The following TRABD2A variants were observed in gnomAD, a reference collection of about 807,000 sequenced individuals.
TRABD2A encodes metalloprotease TIKI1.
TRABD2A carries 43 observed loss-of-function variants against 45.6 expected under a neutral mutation model. The ratio of observed to expected loss-of-function variants is 0.94; its 90% CI spans 0.74 to 1.22. TRABD2A has a LOEUF of 1.22. Ranked by LOEUF, TRABD2A falls within the 50% of genes most tolerant of loss-of-function variation. TRABD2A has a pLI of 0.00. For missense variants in TRABD2A, 642 were observed against 652.4 expected, an observed-to-expected ratio of 0.98 and a Z score of 0.17; for synonymous variants, 269 against 265.0, an observed-to-expected ratio of 1.02 and a Z score of -0.15.
chr2:84,846,565 C>G (rs186544699), intron 2 of TRABD2A, among the ~76,000 whole-genome samples: 9 of 152,334 alleles, frequency 5.9e-5, no homozygotes, highest in African/African-American at 2.2e-4. Context: ...ACACCAAACA[C>G]AGTGGTCGCT....
Position 84,870,787 on chromosome 2 carries a change from TGAAAA to T in TRABD2A, c.109-7_109-3del. On this transcript the variant is annotated splice_region_variant and splice_polypyrimidine_tract_variant and intron_variant, in intron 1 of 6. Transcript: ENST00000409520. Reference sequence around the variant, plus strand: ...CAAGAAGGAATTCAGCTCGCTTTGCTGAAAAGAAAAGAGGTAACATCAAGGTATAA... The same window carrying T: ...CAAGAAGGAATTCAGCTCGCTTTGCTGAAAAGAGGTAACATCAAGGTATAA... The T allele has an allele frequency of 6.4e-7, 1 of 1,566,860 alleles. No individual in the cohort carries two copies. The highest frequency in any genetic ancestry group is 8.7e-7 in the Non-Finnish European group (1 of 1,155,156).
At chr2:84,828,434 G>A (rs1681211442) in intron 5 of TRABD2A, among the ~76,000 whole-genome samples, 2 of 152,182 alleles carry the variant, frequency 1.3e-5, no homozygotes, top group African/African-American at 4.8e-5. Context: ...CCGAGGAGGG[G>A]AAGAAGGAAA....
chr2:84,844,444 A>C (rs569553240), intron 2 of TRABD2A, among the ~76,000 whole-genome samples: 26 of 152,288 alleles, frequency 1.7e-4, no homozygotes, highest in African/African-American at 5.5e-4. Flanking sequence ...CTGTGAGTCC[A>C]TTAAACCCCT....
chr2:84,843,914 T>G (rs1176322095), intron 2 of TRABD2A: 2 of 152,278 alleles, frequency 1.3e-5, no homozygotes. Flanking sequence ...TAATATTTCC[T>G]GTGCCTGTGA....
At chr2:84,826,811 C>T (rs528627196) in intron 5 of TRABD2A, among the ~76,000 whole-genome samples, 2 of 152,218 alleles carry the variant, frequency 1.3e-5, no homozygotes, top group African/African-American at 2.4e-5. Flanking sequence ...GGATTATAGG[C>T]GTGAGCCACC....
At chr2:84,833,172 A>G (rs1425312334) in intron 4 of TRABD2A, 2 of 152,144 alleles carry the variant, frequency 1.3e-5, no homozygotes, top group Admixed American at 1.3e-4. Context: ...ATTCCCTCCC[A>G]TCCTCCCCTC....
At chr2:84,876,778 G>C (rs1354876424) in intron 1 of TRABD2A, among the ~76,000 whole-genome samples, 2 of 152,178 alleles carry the variant, frequency 1.3e-5, no homozygotes, top group Non-Finnish European at 2.9e-5. Context: ...ATCTAGAAAG[G>C]CTCTGTCCAG....
At chr2:84,825,528 A>G (rs1328368736) in intron 5 of TRABD2A, among the ~76,000 whole-genome samples, 2 of 152,208 alleles carry the variant, frequency 1.3e-5, no homozygotes, top group Non-Finnish European at 2.9e-5. Context: ...GGCTTAATAT[A>G]TTATTACTGT....
intron 1 of TRABD2A, 40 bp downstream of exon 1, chr2:84,880,892 G>A (rs757226421): frequency 2.6e-6 from 4 of 1,557,164 alleles, no homozygotes; most frequent in Non-Finnish European, 3.5e-6. Flanking sequence ...CCAAGGAGGT[G>A]CAGAGAGGCC....
intron 3 of TRABD2A, among the ~76,000 whole-genome samples, 176 bp from the exon 4 acceptor site, chr2:84,839,499 C>T (rs534533015): frequency 2.0e-5 from 3 of 151,844 alleles, no homozygotes; most frequent in Non-Finnish European, 4.4e-5. Flanking sequence ...TTCCCTGTAA[C>T]CAAAGTGAAA....
At chr2:84,839,605 TAAAA>T (rs199926813) in intron 3 of TRABD2A, among the ~76,000 whole-genome samples, 4 of 138,896 alleles carry the variant, frequency 2.9e-5, no homozygotes, top group Non-Finnish European at 4.7e-5. Flanking sequence ...CGTGTGTTTA[TAAAA>T]AAAAAAAAAG....
chr2:84,832,948 A>G (rs1681390628), intron 4 of TRABD2A: 1 of 152,196 alleles, frequency 6.6e-6, no homozygotes. Context: ...ACCTAATCTA[A>G]GATCTGTCAT....
chr2:84,866,223 A>G (rs78900417), intron 2 of TRABD2A, among the ~76,000 whole-genome samples: 3,917 of 152,336 alleles, frequency 0.026, 82 homozygotes, highest in South Asian at 0.057. Context: ...TGGAAAGACA[A>G]TATTGGCCAC....
At chr2:84,868,787 G>A (rs966352469) in intron 2 of TRABD2A, among the ~76,000 whole-genome samples, 10 of 152,082 alleles carry the variant, frequency 6.6e-5, no homozygotes, top group Non-Finnish European at 7.4e-5. Context: ...ATGAAAGAAG[G>A]CTTTGGCTCA....
chr2:84,826,059 TCC>T (rs1559083158), intron 5 of TRABD2A, among the ~76,000 whole-genome samples: 1 of 152,148 alleles, frequency 6.6e-6, no homozygotes, highest in Admixed American at 6.5e-5. Context: ...ATCAGGTAGC[TCC>T]ATGCCCATCA....
At chr2:84,832,272 A>G in intron 4 of TRABD2A, 127 bp from the exon 5 acceptor site, 2 of 888,134 alleles carry the variant, frequency 2.3e-6, no homozygotes, top group South Asian at 1.6e-5. Flanking sequence ...AGCACAGTAC[A>G]GTTCTAGAGA....
intron 6 of TRABD2A, 53 bp from the exon 7 acceptor site, chr2:84,822,153 C>A: frequency 6.9e-6 from 10 of 1,446,450 alleles, no homozygotes; most frequent in Non-Finnish European, 9.2e-6. Context: ...AACCACTGCA[C>A]ACGCCAAGGC....
intron 3 of TRABD2A, among the ~76,000 whole-genome samples, chr2:84,840,342 C>G (rs191735753): frequency 6.6e-6 from 1 of 152,274 alleles, no homozygotes; most frequent in Admixed American, 6.5e-5. Flanking sequence ...AATCTCTTCT[C>G]TTCAGCAGAG....
At chr2:84,875,453 G>A (rs570510818) in intron 1 of TRABD2A, among the ~76,000 whole-genome samples, 2 of 152,174 alleles carry the variant, frequency 1.3e-5, no homozygotes, top group Admixed American at 1.3e-4. Flanking sequence ...GGTGAGTGAG[G>A]TCAAGCCATG....
Sources: gnomAD v4.1 joint callset for allele counts (sites outside exome capture counted in the v4.1 genomes callset) on GRCh38, gnomAD v4.1.1 for gene constraint, MANE v1.5 for transcripts, NCBI Gene and HGNC (gene_info 2026-07-23, HGNC 2026-07-21) for gene names.